BRINP1: variants seen among roughly 807,000 people sequenced by gnomAD.
BRINP1 encodes the protein BMP/retinoic acid-inducible neural-specific protein 1.
In BRINP1, 17 loss-of-function variants were observed where a neutral mutation model predicts 72.9. The observed-to-expected ratio is 0.23, with a 90% CI of 0.16 to 0.35. The LOEUF (loss-of-function observed/expected upper bound fraction) is 0.35, where lower values mean the gene tolerates loss of function less well. Among genes scored for constraint, BRINP1 ranks in the 10% least tolerant of loss-of-function variants. The pLI is 1.00. For missense variants in BRINP1, 850 were observed against 1,001.6 expected, an observed-to-expected ratio of 0.85 and a Z score of 2.04; for synonymous variants, 418 against 378.5, an observed-to-expected ratio of 1.10 and a Z score of -1.21.
chr9:119,299,502 A>G (rs1000117150), intron 2 of BRINP1, among the ~76,000 whole-genome samples: 6 of 152,024 alleles, frequency 3.9e-5, no homozygotes, highest in African/African-American at 1.5e-4. Flanking sequence ...AATCCCAGCT[A>G]CTAGGAAGGC....
At chr9:119,179,184 G>C (rs1253815089) in intron 7 of BRINP1, among the ~76,000 whole-genome samples, 1 of 152,198 alleles carries the variant, frequency 6.6e-6, no homozygotes, top group African/African-American at 2.4e-5. Context: ...CCCACTGAAA[G>C]CCAGTCAGTG....
chr9:119,272,954 T>C (rs78939117), intron 2 of BRINP1, among the ~76,000 whole-genome samples: 4,198 of 152,240 alleles, frequency 0.028, 170 homozygotes, highest in African/African-American at 0.093. Context: ...AAAGTACACA[T>C]AGAATTCCTG....
In BRINP1 at chr9:119,167,332, A is replaced by T; in HGVS notation, c.2038T>A (p.Tyr680Asn). 6.2e-7 allele frequency: 1 copy of T among 1,614,148 alleles called. No homozygotes were observed. Among genetic ancestry groups the T allele is most frequent in the Non-Finnish European group, 8.5e-7 (1 of 1,180,032 alleles). The change falls in exon 8 of 8, where the codon TAC becomes AAC. Residue 680 changes from tyrosine to asparagine, a missense_variant. Physicochemically the swap from Tyr to Asn is moderately radical, Grantham distance 143. Transcript: ENST00000265922. The surrounding 1 kb of genome is among the most constrained non-coding windows in gnomAD (Gnocchi z 4.3). ...GAATAGAACTGGCCGCCCTGTGTGT[A>T]GGACTGGTTGACCTGCTGCACTGCA... is the stretch of plus-strand genomic sequence containing the variant. Reference protein sequence around the residue: ...RSAVQQVNQSYTQGGQFYSSS... With the variant: ...RSAVQQVNQSNTQGGQFYSSS...
intron 7 of BRINP1, among the ~76,000 whole-genome samples, chr9:119,184,913 A>T (rs1209322811): frequency 6.6e-6 from 1 of 152,104 alleles, no homozygotes; most frequent in Admixed American, 6.6e-5. Context: ...CTGTATACTG[A>T]GTGAGAAAAG....
intron 2 of BRINP1, among the ~76,000 whole-genome samples, chr9:119,284,138 G>A (rs183311095): frequency 1.1e-3 from 165 of 152,232 alleles, no homozygotes; most frequent in African/African-American, 3.9e-3. Context: ...TCTGGGTTTC[G>A]CTTTTTGCTC....
At chr9:119,269,441 C>T (rs963729499) in intron 2 of BRINP1, among the ~76,000 whole-genome samples, 1 of 152,170 alleles carries the variant, frequency 6.6e-6, no homozygotes, top group African/African-American at 2.4e-5. Context: ...CCAGTGCTTG[C>T]ATTGGGATTG....
chr9:119,245,611 C>A (rs1830306730), intron 3 of BRINP1, among the ~76,000 whole-genome samples: 1 of 152,132 alleles, frequency 6.6e-6, no homozygotes, highest in African/African-American at 2.4e-5. Context: ...CCATGGAAAT[C>A]TCTTATTTGT....
intron 1 of BRINP1, among the ~76,000 whole-genome samples, chr9:119,319,596 T>G (rs2119002580): frequency 6.6e-6 from 1 of 152,324 alleles, no homozygotes; most frequent in African/African-American, 2.4e-5. Flanking sequence ...AGTCACATTA[T>G]TGGTATTTAT....
intron 7 of BRINP1, among the ~76,000 whole-genome samples, chr9:119,205,886 G>A (rs901298462): frequency 8.6e-5 from 13 of 151,970 alleles, no homozygotes; most frequent in African/African-American, 2.9e-4. Context: ...GATTTGCATC[G>A]AGCTTCGTTG....
chr9:119,302,679 T>C (rs1005302209), intron 2 of BRINP1, among the ~76,000 whole-genome samples: 3 of 152,226 alleles, frequency 2.0e-5, no homozygotes, highest in African/African-American at 4.8e-5. Flanking sequence ...CCATTACTTA[T>C]GGTGAATTAC....
chr9:119,184,342 C>T (rs539587068), intron 7 of BRINP1, among the ~76,000 whole-genome samples: 42 of 152,206 alleles, frequency 2.8e-4, no homozygotes, highest in African/African-American at 8.2e-4. Flanking sequence ...CCATTTTGGA[C>T]CTCACTACCT....
At chr9:119,361,629 G>A (rs1218887047) in intron 1 of BRINP1, among the ~76,000 whole-genome samples, 1 of 147,564 alleles carries the variant, frequency 6.8e-6, no homozygotes, top group Non-Finnish European at 1.5e-5. Flanking sequence ...TCTTTTTTTT[G>A]TTTTTTTTTC....
chr9:119,215,695 C>T (rs1829969749), intron 5 of BRINP1, among the ~76,000 whole-genome samples: 1 of 152,154 alleles, frequency 6.6e-6, no homozygotes, highest in African/African-American at 2.4e-5. Flanking sequence ...ATCCTTTCAA[C>T]CTGTCTTCAC....
intron 5 of BRINP1, among the ~76,000 whole-genome samples, chr9:119,233,077 A>G (rs1411202357): frequency 2.0e-5 from 3 of 151,546 alleles, no homozygotes; most frequent in African/African-American, 7.3e-5. Flanking sequence ...ACATTTCATG[A>G]AACATCACAA....
At chr9:119,180,487 G>A (rs1425234754) in intron 7 of BRINP1, among the ~76,000 whole-genome samples, 1 of 97,704 alleles carries the variant, frequency 1.0e-5, no homozygotes, top group Non-Finnish European at 1.8e-5. Flanking sequence ...GCATGTGTGT[G>A]TGTGTGTGTG....
intron 2 of BRINP1, among the ~76,000 whole-genome samples, chr9:119,280,615 C>T (rs1193855913): frequency 6.6e-6 from 1 of 152,100 alleles, no homozygotes; most frequent in African/African-American, 2.4e-5. Context: ...CTTAGTAGGT[C>T]TAACTGAACC....
chr9:119,225,463 C>T (rs531444612), intron 5 of BRINP1, among the ~76,000 whole-genome samples: 1 of 151,914 alleles, frequency 6.6e-6, no homozygotes, highest in East Asian at 1.9e-4. Context: ...CTTTTTTATA[C>T]TTTAAATAAT....
At chr9:119,216,856 T>C (rs1425999024) in intron 5 of BRINP1, among the ~76,000 whole-genome samples, 1 of 152,194 alleles carries the variant, frequency 6.6e-6, no homozygotes, top group African/African-American at 2.4e-5. Context: ...CAGTATTACC[T>C]ACCCCATTTA....
intron 1 of BRINP1, among the ~76,000 whole-genome samples, chr9:119,358,983 C>T (rs550786732): frequency 6.6e-6 from 1 of 152,256 alleles, no homozygotes; most frequent in Admixed American, 6.5e-5. Context: ...GTGCCTTGAA[C>T]CTAATAATAC....
Sources: gnomAD v4.1 joint callset for allele counts (sites outside exome capture counted in the v4.1 genomes callset) on GRCh38, gnomAD v4.1.1 for gene constraint, Gnocchi (gnomAD v3.1) non-coding constraint, MANE v1.5 for transcripts, NCBI Gene and HGNC (gene_info 2026-07-23, HGNC 2026-07-21) for gene names.